TRIM71: variants seen among roughly 807,000 people sequenced by gnomAD.
TRIM71 encodes E3 ubiquitin-protein ligase TRIM71.
Under a neutral mutation model 61.2 loss-of-function variants are expected in TRIM71, and 9 were observed. That is an observed-to-expected ratio of 0.15 (90% confidence interval 0.09 to 0.26). The LOEUF is 0.26. Among genes scored for constraint, TRIM71 ranks in the 10% least tolerant of loss-of-function variants. The pLI is 1.00. For missense variants in TRIM71, 998 were observed against 1,238.7 expected (o/e 0.81, Z 2.92); for synonymous variants, 645 against 553.2 (o/e 1.17, Z -2.33).
At chr3:32,819,062 G>A (rs988596256) in intron 1 of TRIM71, 130 bp downstream of exon 1, 4 of 1,013,112 alleles carry the variant, frequency 3.9e-6, no homozygotes, top group Admixed American at 4.5e-5. Flanking sequence ...CTTTGGCTAC[G>A]TGGCAGTCCT....
At position 32,890,368 on chromosome 3, in the gene TRIM71, G is replaced by T. The variant is rs895048757; in HGVS notation, c.1164G>T (p.Lys388Asn). The T allele has an allele frequency of 1.9e-6, 3 of 1,607,540 alleles. No individual in the cohort carries two copies. The highest frequency in any genetic ancestry group is 2.6e-6 in the Non-Finnish European group (3 of 1,174,500). ...CTTGCTTTTCCCTCCAGGTAGAAAA[G>T]ATCCGCCAGGTGAAAGCCAAGTCTC... Reference protein sequence around the residue: ...RECELLWKVEKIRQVKAKSLY... With the variant: ...RECELLWKVENIRQVKAKSLY... Residue 388 changes from lysine (K) to asparagine (N), a missense_variant, in exon 4 of 4, where the codon AAG becomes AAT. By Grantham distance (94) the Lys-to-Asn change is moderately conservative. Transcript: ENST00000383763. The surrounding 1 kb of genome is among the most constrained non-coding windows in gnomAD (Gnocchi z 6.2).
At chr3:32,857,888 T>C (rs1696622884) in intron 1 of TRIM71, among the ~76,000 whole-genome samples, 1 of 151,976 alleles carries the variant, frequency 6.6e-6, no homozygotes, top group Admixed American at 6.6e-5. Context: ...TGAGAATCGC[T>C]TGAACCCAGG....
chr3:32,873,880 G>A lies in TRIM71; in HGVS notation c.915G>A (p.Arg305=), dbSNP rs1214839047. ...VPICRECTMG[R]HGGHSFIYLQ... is the part of the protein sequence containing the mutation. The stretch of plus-strand genomic sequence containing the variant: ...TCTGTCGTGAGTGCACAATGGGCCG[G>A]CATGGGGGCCACAGCTTCATCTACC... Residue 305 remains arginine, a synonymous_variant, in exon 2 of 4, where the codon CGG becomes CGA. Coordinates refer to ENST00000383763, the MANE Select transcript of TRIM71 (RefSeq NM_001039111.3). The A allele has an allele frequency of 1.2e-6, 2 of 1,613,796 alleles. No homozygotes were observed. The highest frequency in any genetic ancestry group is 8.5e-7 in the Non-Finnish European group (1 of 1,179,862).
At chr3:32,827,194 G>T (rs1463908050) in intron 1 of TRIM71, among the ~76,000 whole-genome samples, 1 of 151,650 alleles carries the variant, frequency 6.6e-6, no homozygotes, top group African/African-American at 2.4e-5. Context: ...ACTGTTTTCA[G>T]TAATTATGTT....
At chr3:32,820,029 G>A (rs939844349) in intron 1 of TRIM71, among the ~76,000 whole-genome samples, 6 of 152,250 alleles carry the variant, frequency 3.9e-5, no homozygotes, top group Admixed American at 1.3e-4. Context: ...ACCCAATGAA[G>A]GCAGGCCAAA....
chr3:32,866,163 GT>G (rs61702225), intron 1 of TRIM71, among the ~76,000 whole-genome samples: 4 of 146,578 alleles, frequency 2.7e-5, no homozygotes, highest in Non-Finnish European at 3.0e-5. Context: ...CAGGATTTTT[GT>G]TTTTTTTTTG....
intron 1 of TRIM71, among the ~76,000 whole-genome samples, chr3:32,854,829 GC>G (rs1696578066): frequency 6.6e-6 from 1 of 152,152 alleles, no homozygotes. Context: ...GCATCCATGT[GC>G]CAGACACTTA....
Position 32,818,278 on chromosome 3 carries a change from C to T in TRIM71, c.198C>T (p.Cys66=), listed in dbSNP as rs1438118221. 1 of 1,425,652 alleles carries T rather than the reference C, an allele frequency of 7.0e-7. No individual in the cohort carries two copies. Among genetic ancestry groups the T allele is most frequent in the Non-Finnish European group, 9.1e-7 (1 of 1,101,990 alleles). The allele number at this position is 1,425,652 out of a possible 1,614,324, so 88.3% of individuals were successfully genotyped here. Residue 66 remains cysteine, a synonymous_variant, in exon 1 of 4, where the codon TGC becomes TGT. Coordinates refer to ENST00000383763, the MANE Select transcript of TRIM71 (RefSeq NM_001039111.3). ...LHVLPCLHAF[C]RPCLEAHRLP... ...TCCTGCCCTGCCTGCACGCCTTCTG[C>T]CGCCCCTGCCTCGAGGCGCACCGGC... is the stretch of plus-strand genomic sequence containing the variant.
In TRIM71 at chr3:32,891,365, A is replaced by C. The variant is rs1697022467; in HGVS notation, c.2161A>C (p.Asn721His). The C allele has an allele frequency of 6.2e-7, 1 of 1,613,928 alleles. No individual in the cohort carries two copies. Among genetic ancestry groups the C allele is most frequent in the Admixed American group, 1.7e-5 (1 of 60,002 alleles). The change falls in exon 4 of 4, where the codon AAC becomes CAC. Residue 721 changes from asparagine (N) to histidine (H), a missense_variant. Asn to His is a moderately conservative substitution (Grantham distance 68). Around this residue, in one of 5 missense-constraint regions of TRIM71, gnomAD observed 83 missense variants for 202.7 expected, o/e 0.41. Transcript: ENST00000383763. The surrounding 1 kb of genome is among the most constrained non-coding windows in gnomAD (Gnocchi z 8.2). The part of the protein sequence containing the change: ...EGKILVSDTR[N>H]HRIQLFGPDG... ...CAAGATCCTGGTCTCAGACACGAGG[A>C]ACCACCGGATCCAGCTGTTTGGGCC...
intron 1 of TRIM71, among the ~76,000 whole-genome samples, chr3:32,870,790 C>T (rs967737841): frequency 1.3e-5 from 2 of 152,142 alleles, no homozygotes; most frequent in Non-Finnish European, 2.9e-5. Flanking sequence ...GGCACCCTGG[C>T]TCAGCCCAGA....
chr3:32,891,840 G>A lies in TRIM71; in HGVS notation c.*29G>A. ...CATTTCCTAGGTTTCTGTGTTTGGGGTGTGTGTGCGTGTCTCTCTCTCTCT... is the reference window on the plus strand; with the variant it reads ...CATTTCCTAGGTTTCTGTGTTTGGGATGTGTGTGCGTGTCTCTCTCTCTCT... On this transcript the variant is annotated 3_prime_UTR_variant, in exon 4 of 4. Coordinates refer to ENST00000383763, the MANE Select transcript of TRIM71 (RefSeq NM_001039111.3). The surrounding 1 kb of genome is among the most constrained non-coding windows in gnomAD (Gnocchi z 8.2). The A allele has an allele frequency of 1.3e-6, 2 of 1,591,006 alleles. No individual in the cohort carries two copies. The highest frequency in any genetic ancestry group is 1.4e-5 in the African/African-American group (1 of 71,838).
chr3:32,895,811 G>A lies in TRIM71; in HGVS notation c.*4000G>A, dbSNP rs1344952446. On this transcript the variant is annotated 3_prime_UTR_variant, in exon 4 of 4. Transcript: ENST00000383763. ...ATTCCAGACCACACTGACTGCTTTT[G>A]CTGAGTTTCTACCTCACTTGTGGCA... is the stretch of plus-strand genomic sequence containing the variant. 2 of 152,174 alleles carry A rather than the reference G, an allele frequency of 1.3e-5. No individual in the cohort carries two copies. Among genetic ancestry groups the A allele is most frequent in the Non-Finnish European group, 2.9e-5 (2 of 68,060 alleles). The allele number at this position is 152,174 out of a possible 1,614,324, so 9.4% of individuals were successfully genotyped here. A position where few individuals can be genotyped will look rare whatever the true frequency, so the allele number is the denominator to read the frequency against.
intron 1 of TRIM71, among the ~76,000 whole-genome samples, chr3:32,841,697 G>C (rs7610310): frequency 6.6e-6 from 1 of 152,134 alleles, no homozygotes; most frequent in Non-Finnish European, 1.5e-5. Flanking sequence ...TTGGCTTAAC[G>C]TGGTGGCTTC....
intron 2 of TRIM71, among the ~76,000 whole-genome samples, chr3:32,875,228 G>C (rs983384711): frequency 1.3e-5 from 2 of 152,336 alleles, no homozygotes; most frequent in Admixed American, 1.3e-4. Flanking sequence ...TCCTTTCCTG[G>C]ATGGTGAATC....
Position 32,891,868 on chromosome 3 carries a change from C to CTCTCTCTT in TRIM71, c.*62_*63insCTTTCTCT, listed in dbSNP as rs1697030100. 2.0e-6 allele frequency: 3 copies of CTCTCTCTT among 1,477,528 alleles called. No individual in the cohort carries two copies. Among genetic ancestry groups the CTCTCTCTT allele is most frequent in the South Asian group, 1.3e-5 (1 of 79,566 alleles). The allele number at this position is 1,477,528 out of a possible 1,614,324, so 91.5% of individuals were successfully genotyped here. A position where few individuals can be genotyped will look rare whatever the true frequency, so the allele number is the denominator to read the frequency against. ...TGTGTGCGTGTCTCTCTCTCTCTCT[C>CTCTCTCTT]TCTCTTTCTCTTTCTCTCTCTTTTT... On this transcript the variant is annotated 3_prime_UTR_variant, in exon 4 of 4. Transcript: ENST00000383763. This position sits in a 1 kb window ranked among gnomAD's most constrained non-coding sequence, Gnocchi z 8.2.
intron 3 of TRIM71, among the ~76,000 whole-genome samples, chr3:32,889,708 G>A (rs1160673170): frequency 4.0e-5 from 6 of 151,860 alleles, no homozygotes; most frequent in Admixed American, 1.3e-4. Context: ...CCCCACATCA[G>A]CTTCCCAAAT....
At chr3:32,867,644 A>G (rs557085593) in intron 1 of TRIM71, among the ~76,000 whole-genome samples, 1 of 152,310 alleles carries the variant, frequency 6.6e-6, no homozygotes, top group East Asian at 1.9e-4. Context: ...ATTGTGTACA[A>G]CATGTTTTGA....
intron 1 of TRIM71, among the ~76,000 whole-genome samples, chr3:32,829,439 A>G (rs1443281377): frequency 6.6e-6 from 1 of 152,010 alleles, no homozygotes; most frequent in Non-Finnish European, 1.5e-5. Flanking sequence ...TGTCTCCCAA[A>G]GTGCTGGGAT....
chr3:32,841,237 T>A (rs1357778466), intron 1 of TRIM71, among the ~76,000 whole-genome samples: 1 of 151,344 alleles, frequency 6.6e-6, no homozygotes, highest in Non-Finnish European at 1.5e-5. Context: ...AGAGCGAGAC[T>A]CTGTCTCAAA....
Sources: gnomAD v4.1 joint callset for allele counts (sites outside exome capture counted in the v4.1 genomes callset) on GRCh38, gnomAD v4.1.1 for gene constraint, gnomAD v4.1.1 regional missense constraint, Gnocchi (gnomAD v3.1) non-coding constraint, MANE v1.5 for transcripts, NCBI Gene and HGNC (gene_info 2026-07-23, HGNC 2026-07-21) for gene names.